The following DSCAML1 variants were observed in gnomAD, a reference collection of about 807,000 sequenced individuals.
DSCAML1 encodes cell adhesion molecule DSCAML1.
DSCAML1 carries 38 observed loss-of-function variants against 200.5 expected under a neutral mutation model. The ratio of observed to expected loss-of-function variants is 0.19; its 90% CI spans 0.15 to 0.25. The LOEUF is 0.25. Ranked by LOEUF, DSCAML1 falls within the 10% of genes least tolerant of loss-of-function variation. The pLI is 1.00. For synonymous variants in DSCAML1, 1,215 were observed against 1,165.0 expected (o/e 1.04, Z -0.87); for missense variants, 2,223 against 2,858.8 (o/e 0.78, Z 5.07).
intron 11 of DSCAML1, among the ~76,000 whole-genome samples, chr11:117,487,983 T>G (rs1270130290): frequency 6.6e-6 from 1 of 152,138 alleles, no homozygotes; most frequent in Non-Finnish European, 1.5e-5. Flanking sequence ...GGTGCCCGGG[T>G]CTCAGGAGAG....
chr11:117,510,878 T>G (rs967361082), intron 8 of DSCAML1, among the ~76,000 whole-genome samples: 3 of 152,172 alleles, frequency 2.0e-5, no homozygotes, highest in Non-Finnish European at 1.5e-5. Context: ...GTAAGGTTGT[T>G]GGCAGTGGCT....
chr11:117,594,117 A>G (rs919949722), intron 3 of DSCAML1, among the ~76,000 whole-genome samples: 1 of 152,156 alleles, frequency 6.6e-6, no homozygotes, highest in Non-Finnish European at 1.5e-5. Flanking sequence ...TTGACAAAGG[A>G]CAGAAAAAGG....
At chr11:117,676,839 G>T (rs2053224823) in intron 3 of DSCAML1, among the ~76,000 whole-genome samples, 1 of 152,222 alleles carries the variant, frequency 6.6e-6, no homozygotes, top group African/African-American at 2.4e-5. Flanking sequence ...CTTGTAGGTG[G>T]GCTAGGAGTG....
rs1182660051 is a variant in DSCAML1, at chr11:117,780,290, A to AAGAAAGAAAGAAAGAAAGAAAGAAAGAC, written c.364+202_364+203insGTCTTTCTTTCTTTCTTTCTTTCTTTCT. Among the ~76,000 whole-genome samples the AAGAAAGAAAGAAAGAAAGAAAGAAAGAC allele has an allele frequency of 1.0e-3, 101 of 100,204 alleles. 3 individuals are homozygous for AAGAAAGAAAGAAAGAAAGAAAGAAAGAC. Among genetic ancestry groups the AAGAAAGAAAGAAAGAAAGAAAGAAAGAC allele is most frequent in the Middle Eastern group, 5.2e-3 (1 of 194 alleles). The allele number at this position is 100,204 out of a possible 152,430, so 65.7% of individuals were successfully genotyped here. On this transcript the variant is annotated intron_variant, in intron 2 of 32. Transcript: ENST00000651296. The surrounding 1 kb of genome is among the most constrained non-coding windows in gnomAD (Gnocchi z 4.8). Reference sequence around the variant, plus strand: ...AAAGAAAGAAAGAAAGAAAGAAAGAAAGAAAGAAAGAAAGAGAGAAAGGAG... The same window carrying AAGAAAGAAAGAAAGAAAGAAAGAAAGAC: ...AAAGAAAGAAAGAAAGAAAGAAAGAAAGAAAGAAAGAAAGAAAGAAAGAAAGACAGAAAGAAAGAAAGAGAGAAAGGAG...
chr11:117,464,921 C>T, intron 17 of DSCAML1, 21 bp downstream of exon 17: 3 of 1,610,136 alleles, frequency 1.9e-6, no homozygotes, highest in Non-Finnish European at 2.5e-6. Context: ...TGTGCCCACT[C>T]CCTTCTGCTG....
rs1368192870 is a variant in DSCAML1, at chr11:117,544,975, T to A, written c.512-12453A>T. ...GGCTGGGTGTGGTGGCTCATGCCTG[T>A]AATCCCAGCACTTTGGGAGGCTGAG... is the stretch of plus-strand genomic sequence containing the variant. On this transcript the variant is annotated intron_variant, in intron 3 of 32. Coordinates refer to ENST00000651296, the MANE Select transcript of DSCAML1 (RefSeq NM_020693.4). 4.6e-5 allele frequency among the ~76,000 whole-genome samples: 7 copies of A among 152,108 alleles called. 1 individual carries two copies. Among genetic ancestry groups the A allele is most frequent in the Admixed American group, 3.9e-4 (6 of 15,274 alleles).
chr11:117,712,652 C>T (rs992341319), intron 3 of DSCAML1, among the ~76,000 whole-genome samples: 4 of 152,152 alleles, frequency 2.6e-5, no homozygotes, highest in Non-Finnish European at 5.9e-5. Context: ...ACAGCATCCT[C>T]GCTGGTGTCC....
rs367705200 is a variant in DSCAML1, at chr11:117,797,017, G to A, written c.46+17C>T. On this transcript the variant is annotated intron_variant, in intron 1 of 32. Coordinates refer to ENST00000651296, the MANE Select transcript of DSCAML1 (RefSeq NM_020693.4). ...GCCCCGCCGCCTCCGCCGCCCAGCC[G>A]CCCGCGCAGGTCTCACCTTTGTGTA... The A allele has an allele frequency of 3.0e-5, 43 of 1,429,318 alleles. No homozygotes were observed. Among genetic ancestry groups the A allele is most frequent in the African/African-American group, 2.8e-4 (19 of 68,414 alleles). The allele number at this position is 1,429,318 out of a possible 1,614,324, so 88.5% of individuals were successfully genotyped here.
intron 3 of DSCAML1, among the ~76,000 whole-genome samples, chr11:117,603,160 A>G (rs2051498482): frequency 6.6e-6 from 1 of 152,208 alleles, no homozygotes; most frequent in South Asian, 2.1e-4. Flanking sequence ...AAGGTCCCAT[A>G]TGAGGAACTG....
intron 11 of DSCAML1, among the ~76,000 whole-genome samples, chr11:117,492,140 C>CA (rs2049193895): frequency 6.6e-6 from 1 of 152,180 alleles, no homozygotes; most frequent in Admixed American, 6.5e-5. Flanking sequence ...AGGTAATTCT[C>CA]ACGTGGTTTG....
intron 3 of DSCAML1, among the ~76,000 whole-genome samples, chr11:117,736,361 C>T (rs570575425): frequency 6.6e-6 from 1 of 152,326 alleles, no homozygotes; most frequent in Admixed American, 6.5e-5. Context: ...AACCTGATGG[C>T]AGCTTCCCCA....
intron 11 of DSCAML1, among the ~76,000 whole-genome samples, chr11:117,485,716 T>C (rs1228953553): frequency 3.9e-5 from 6 of 152,248 alleles, no homozygotes; most frequent in African/African-American, 1.2e-4. Flanking sequence ...ACATAGATTA[T>C]TGCCTTTCAT....
chr11:117,595,354 G>A (rs1382580794), intron 3 of DSCAML1, among the ~76,000 whole-genome samples: 2 of 152,124 alleles, frequency 1.3e-5, no homozygotes. Flanking sequence ...CAATAAAAAT[G>A]ACCTGCAACC....
chr11:117,577,458 T>TTCCCTCCCTCC (rs1555186443), intron 3 of DSCAML1, among the ~76,000 whole-genome samples: 1 of 57,384 alleles, frequency 1.7e-5, no homozygotes, highest in Non-Finnish European at 3.7e-5. Flanking sequence ...CCTTCCTTCC[T>TTCCCTCCCTCC]TTCCTTCCTT....
At chr11:117,783,991 G>A (rs114315011) in intron 1 of DSCAML1, among the ~76,000 whole-genome samples, 117 of 152,242 alleles carry the variant, frequency 7.7e-4, no homozygotes, top group African/African-American at 2.7e-3. Flanking sequence ...CCTGGGCCTC[G>A]GATCTTGCTG....
intron 5 of DSCAML1, 87 bp from the exon 6 acceptor site, chr11:117,521,492 G>A (rs1345326226): frequency 2.8e-6 from 4 of 1,415,382 alleles, no homozygotes; most frequent in Middle Eastern, 1.8e-4. Flanking sequence ...GTAGCTGGGG[G>A]TAGTTAGGGG....
At chr11:117,595,529 A>T (rs1407607291) in intron 3 of DSCAML1, among the ~76,000 whole-genome samples, 1 of 152,198 alleles carries the variant, frequency 6.6e-6, no homozygotes, top group African/African-American at 2.4e-5. Context: ...CATTTTAAGG[A>T]CTACATAGCA....
intron 3 of DSCAML1, among the ~76,000 whole-genome samples, chr11:117,746,910 A>G (rs1273354325): frequency 2.6e-5 from 4 of 152,196 alleles, no homozygotes; most frequent in Non-Finnish European, 5.9e-5. Flanking sequence ...AGCTTTGGAC[A>G]TGCCTCCAAC....
intron 3 of DSCAML1, among the ~76,000 whole-genome samples, chr11:117,574,358 G>T (rs1368597490): frequency 6.6e-6 from 1 of 152,278 alleles, no homozygotes; most frequent in African/African-American, 2.4e-5. Flanking sequence ...TAGGTGGAGG[G>T]TTCCTTGGGG....
Sources: gnomAD v4.1 joint callset for allele counts (sites outside exome capture counted in the v4.1 genomes callset) on GRCh38, gnomAD v4.1.1 for gene constraint, Gnocchi (gnomAD v3.1) non-coding constraint, MANE v1.5 for transcripts, NCBI Gene and HGNC (gene_info 2026-07-23, HGNC 2026-07-21) for gene names.